The following SOX6 variants were observed in gnomAD, a reference collection of about 807,000 sequenced individuals.
SOX6 encodes the protein SRY-box transcription factor 6, also known as transcription factor SOX-6.
A neutral mutation model predicts 97.8 loss-of-function variants in SOX6; 11 were observed. The ratio of observed to expected loss-of-function variants is 0.11; its 90% CI spans 0.07 to 0.19. The LOEUF (loss-of-function observed/expected upper bound fraction) is 0.19. Ranked by LOEUF, SOX6 falls within the 10% of genes least tolerant of loss-of-function variation. The probability of loss-of-function intolerance (pLI) is 1.00; values close to 1 mark genes in which losing one functional copy is unlikely to be tolerated. For synonymous variants in SOX6, 360 were observed against 371.4 expected (o/e 0.97, Z 0.35); for missense variants, 810 against 1,039.5 (o/e 0.78, Z 3.04).
At chr11:16,468,686 T>G (rs1042429024) in intron 1 of SOX6, among the ~76,000 whole-genome samples, 2 of 152,204 alleles carry the variant, frequency 1.3e-5, no homozygotes, top group African/African-American at 4.8e-5. Flanking sequence ...ACAGTTTTAC[T>G]TCCATTTTCC....
In SOX6 at chr11:15,967,698, T is replaced by C. The variant is rs946860267; in HGVS notation, c.*5111A>G. 1 of 152,182 alleles carries C rather than the reference T, an allele frequency of 6.6e-6. No homozygotes were observed. Among genetic ancestry groups the C allele is most frequent in the Non-Finnish European group, 1.5e-5 (1 of 68,028 alleles). 9.4% of individuals were successfully genotyped at this position (152,182 alleles called of 1,614,324 possible). On this transcript the variant is annotated 3_prime_UTR_variant, in exon 16 of 16. Transcript: ENST00000683767. ...ATGAGCAGACCTGCAATGTGCAGCA[T>C]ACAAAACAGTTAAATATTTGCACAT...
In SOX6 at chr11:16,614,416, T is replaced by C. The variant is rs982042469; in HGVS notation, n.430-2156A>G. On this transcript the variant is annotated intron_variant and non_coding_transcript_variant, in intron 3 of 5. Coordinates refer to the SOX6 transcript ENST00000524520. Reference sequence around the variant, plus strand: ...AGGACGTTCAGGCAGCCCGGCCGCCTGCTGCGAGAGCTGAACATTTCCCAG... The same window carrying C: ...AGGACGTTCAGGCAGCCCGGCCGCCCGCTGCGAGAGCTGAACATTTCCCAG... Among the ~76,000 whole-genome samples, 18 of 152,196 alleles carry C rather than the reference T, an allele frequency of 1.2e-4. 1 individual carries two copies. Among genetic ancestry groups the C allele is most frequent in the African/African-American group, 4.3e-4 (18 of 41,450 alleles).
At chr11:16,139,345 C>T (rs966933) in intron 6 of SOX6, among the ~76,000 whole-genome samples, 16,322 of 152,110 alleles carry the variant, frequency 0.11, 1,774 homozygotes, top group East Asian at 0.37. Flanking sequence ...ATGGTTGCCA[C>T]GTGACTTTCT....
intron 8 of SOX6, among the ~76,000 whole-genome samples, chr11:16,096,808 A>C (rs1329383059): frequency 6.6e-6 from 1 of 151,916 alleles, no homozygotes; most frequent in African/African-American, 2.4e-5. Context: ...ATTGAAGTCA[A>C]GTTGTTGATT....
chr11:16,487,602 T>A (rs1169673877), intron 4 of SOX6, among the ~76,000 whole-genome samples: 1 of 152,198 alleles, frequency 6.6e-6, no homozygotes, highest in East Asian at 1.9e-4. Flanking sequence ...TTTAACAAAA[T>A]CTTGCAAATA....
intron 3 of SOX6, among the ~76,000 whole-genome samples, chr11:16,299,025 T>C (rs1299496581): frequency 2.6e-5 from 4 of 152,188 alleles, no homozygotes; most frequent in Non-Finnish European, 5.9e-5. Flanking sequence ...TATTTTCTTT[T>C]ATTGTGTTAC....
intron 4 of SOX6, among the ~76,000 whole-genome samples, chr11:16,500,034 T>C: frequency 6.6e-6 from 1 of 152,186 alleles, no homozygotes. Context: ...CCAATATCCC[T>C]GATGAACATC....
At chr11:16,641,370 A>G (rs1400853152) in intron 3 of SOX6, among the ~76,000 whole-genome samples, 1 of 152,182 alleles carries the variant, frequency 6.6e-6, no homozygotes, top group East Asian at 1.9e-4. Flanking sequence ...TGGTGCTGAG[A>G]AGAATGTATA....
At chr11:16,187,968 A>G (rs1851527952) in intron 4 of SOX6, among the ~76,000 whole-genome samples, 1 of 152,152 alleles carries the variant, frequency 6.6e-6, no homozygotes, top group Non-Finnish European at 1.5e-5. Context: ...AAGATTGCCA[A>G]TTTTTGTGTG....
chr11:16,414,575 C>A (rs532257150), intron 1 of SOX6, among the ~76,000 whole-genome samples: 5 of 151,090 alleles, frequency 3.3e-5, no homozygotes, highest in African/African-American at 1.2e-4. Flanking sequence ...TAAAAAAAAA[C>A]ACAAAACTTT....
chr11:16,156,298 T>C (rs1423340042), intron 6 of SOX6, among the ~76,000 whole-genome samples: 1 of 152,024 alleles, frequency 6.6e-6, no homozygotes, highest in Non-Finnish European at 1.5e-5. Flanking sequence ...GTCCCTTTGC[T>C]ACTGCCTCTC....
intron 3 of SOX6, among the ~76,000 whole-genome samples, chr11:16,685,048 A>G (rs956275321): frequency 2.0e-5 from 3 of 152,114 alleles, no homozygotes; most frequent in African/African-American, 7.2e-5. Context: ...GCACCAAGCC[A>G]TGAGGGATCT....
At chr11:16,649,902 T>A (rs1190018575) in intron 3 of SOX6, among the ~76,000 whole-genome samples, 1 of 151,806 alleles carries the variant, frequency 6.6e-6, no homozygotes, top group Non-Finnish European at 1.5e-5. Flanking sequence ...ACCCAACACA[T>A]AAGGACTCAC....
intron 3 of SOX6, chr11:16,269,874 A>G (rs1854198211): frequency 6.6e-6 from 1 of 151,290 alleles, no homozygotes; most frequent in African/African-American, 2.4e-5. Context: ...GCCAATATAG[A>G]TAATTTTACT....
chr11:16,133,890 T>C (rs1849886634), intron 6 of SOX6, among the ~76,000 whole-genome samples: 1 of 152,158 alleles, frequency 6.6e-6, no homozygotes, highest in South Asian at 2.1e-4. Context: ...TTTCACCATG[T>C]TGGTCAGGCT....
chr11:16,524,382 T>C (rs1209668631), intron 4 of SOX6, among the ~76,000 whole-genome samples: 1 of 151,980 alleles, frequency 6.6e-6, no homozygotes, highest in Non-Finnish European at 1.5e-5. Flanking sequence ...AAAAACTACA[T>C]GATTATCTCA....
rs142744571 is a variant in SOX6 at position 16,375,738 on chromosome 11, T to C, written c.-4-34486A>G. On this transcript the variant is annotated intron_variant, in intron 1 of 15. Coordinates refer to the SOX6 transcript ENST00000396356. ...TGCTATGAAGACACATACACACGTATGTTTATTGCAGCACTATTCACAATA... is the reference window on the plus strand; with the variant it reads ...TGCTATGAAGACACATACACACGTACGTTTATTGCAGCACTATTCACAATA... 7.5e-3 allele frequency among the ~76,000 whole-genome samples: 1,137 copies of C among 152,264 alleles called. 13 individuals are homozygous for C. The highest frequency in any genetic ancestry group is 0.026 in the African/African-American group (1,089 of 41,556).
intron 3 of SOX6, among the ~76,000 whole-genome samples, chr11:16,711,691 T>C (rs1222701561): frequency 6.6e-6 from 1 of 152,146 alleles, no homozygotes; most frequent in Admixed American, 6.5e-5. Context: ...TGATCATCTT[T>C]CTTTTTTTTT....
At chr11:16,681,197 A>G (rs955554322) in intron 3 of SOX6, among the ~76,000 whole-genome samples, 6 of 152,338 alleles carry the variant, frequency 3.9e-5, no homozygotes, top group Non-Finnish European at 8.8e-5. Context: ...AAAATTGACC[A>G]CGTAATTGGA....
Sources: gnomAD v4.1 joint callset for allele counts (sites outside exome capture counted in the v4.1 genomes callset) on GRCh38, gnomAD v4.1.1 for gene constraint, MANE v1.5 for transcripts, NCBI Gene and HGNC (gene_info 2026-07-23, HGNC 2026-07-21) for gene names.